The following KLF12 variants were observed in gnomAD, a reference collection of about 807,000 sequenced individuals.
The protein encoded by KLF12 is KLF transcription factor 12.
KLF12 carries 9 observed loss-of-function variants against 37.8 expected under a neutral mutation model. The observed-to-expected ratio is 0.24, with a 90% confidence interval of 0.14 to 0.42. The LOEUF is 0.42. Among genes scored for constraint, KLF12 ranks in the 10% least tolerant of loss-of-function variants. KLF12 has a pLI of 1.00. For missense variants in KLF12, 411 were observed against 516.0 expected (o/e 0.80, Z 1.97); for synonymous variants, 208 against 202.1 (o/e 1.03, Z -0.25).
At chr13:73,913,089 CA>C (rs1361946712) in intron 3 of KLF12, among the ~76,000 whole-genome samples, 1 of 152,182 alleles carries the variant, frequency 6.6e-6, no homozygotes, top group Non-Finnish European at 1.5e-5. Flanking sequence ...CTGTCTTCCC[CA>C]CTAGAACACT....
At chr13:73,890,845 C>T (rs1379434198) in intron 3 of KLF12, among the ~76,000 whole-genome samples, 2 of 152,080 alleles carry the variant, frequency 1.3e-5, no homozygotes, top group Non-Finnish European at 2.9e-5. Context: ...TTTCCTTAGT[C>T]CTTTTCTGCC....
chr13:74,188,783 G>A, the KLF12 span, among the ~76,000 whole-genome samples: 1 of 152,096 alleles, frequency 6.6e-6, no homozygotes, highest in Non-Finnish European at 1.5e-5. Context: ...ATCACTTGAG[G>A]CCAGGAGTTC....
At chr13:74,040,693 G>T (rs1328734919) in intron 1 of KLF12, among the ~76,000 whole-genome samples, 2 of 152,206 alleles carry the variant, frequency 1.3e-5, no homozygotes, top group Non-Finnish European at 2.9e-5. Context: ...CCTTTAGGGA[G>T]TCATCCCCTC....
At chr13:74,267,805 A>G in the KLF12 span, among the ~76,000 whole-genome samples, 1 of 152,206 alleles carries the variant, frequency 6.6e-6, no homozygotes. Context: ...TTTGATTGCT[A>G]CATAGTATAT....
intron 6 of KLF12, among the ~76,000 whole-genome samples, chr13:73,746,306 T>A (rs1362612400): frequency 6.6e-6 from 1 of 152,122 alleles, no homozygotes; most frequent in Non-Finnish European, 1.5e-5. Context: ...AGGGCCAACA[T>A]ATGATGTAAT....
At chr13:74,246,899 T>A in the KLF12 span, among the ~76,000 whole-genome samples, 1 of 152,220 alleles carries the variant, frequency 6.6e-6, no homozygotes, top group African/African-American at 2.4e-5. Context: ...AGGAGTTAAT[T>A]ACTTATGGTG....
chr13:73,745,101 T>A (rs1594039107), intron 6 of KLF12, among the ~76,000 whole-genome samples: 1 of 152,242 alleles, frequency 6.6e-6, no homozygotes, highest in Non-Finnish European at 1.5e-5. Context: ...TTATTGTTTA[T>A]AAGAATTTGT....
At chr13:73,983,469 C>T (rs747389521) in intron 2 of KLF12, among the ~76,000 whole-genome samples, 2 of 152,174 alleles carry the variant, frequency 1.3e-5, no homozygotes, top group South Asian at 2.1e-4. Flanking sequence ...TCTCCAGCAC[C>T]GTGTCCTCCC....
At position 74,133,873 on chromosome 13, in the gene KLF12, GCGCACA is replaced by G. The variant is rs1248646104; in HGVS notation, c.-172_-167del. Among the ~76,000 whole-genome samples the G allele has an allele frequency of 1.3e-5, 2 of 151,874 alleles. No homozygotes were observed. Among genetic ancestry groups the G allele is most frequent in the African/African-American group, 4.8e-5 (2 of 41,338 alleles). On this transcript the variant is annotated 5_prime_UTR_variant, in exon 1 of 8. Transcript: ENST00000377669. Reference sequence around the variant, plus strand: ...CACTCGCACACACACGGCGTCACCCGCGCACACGCACACGCAGAGCCTCTCAGCGGC... The same window carrying G: ...CACTCGCACACACACGGCGTCACCCGCGCACACGCAGAGCCTCTCAGCGGC...
In KLF12 at chr13:73,705,252, T is replaced by C. The variant is rs572780824; in HGVS notation, c.1028-9581A>G. Among the ~76,000 whole-genome samples the C allele has an allele frequency of 2.0e-4, 31 of 152,306 alleles. No individual in the cohort carries two copies. The South Asian group carries it at 6.4e-3, about 32-fold the overall frequency. On this transcript the variant is annotated intron_variant, in intron 7 of 7. Coordinates refer to ENST00000377669, the MANE Select transcript of KLF12 (RefSeq NM_007249.5). The stretch of plus-strand genomic sequence containing the variant: ...ATGGAGATTTTTAATTGAATTATCA[T>C]AAGCATTATGAATCAACATTTTATT...
chr13:73,995,058 A>C lies in KLF12; in HGVS notation c.-31-5T>G. On this transcript the variant is annotated splice_region_variant and splice_polypyrimidine_tract_variant and intron_variant, in intron 1 of 7. Transcript: ENST00000377669. ...GTTCTTAGAGTCACATTGATCCTGCAAGAAAAACACAAAGACAAATGATGA... is the reference window on the plus strand; with the variant it reads ...GTTCTTAGAGTCACATTGATCCTGCCAGAAAAACACAAAGACAAATGATGA... The C allele has an allele frequency of 6.3e-7, 1 of 1,589,444 alleles. No homozygotes were observed. Among genetic ancestry groups the C allele is most frequent in the East Asian group, 2.2e-5 (1 of 44,498 alleles).
chr13:74,181,020 A>T, the KLF12 span, among the ~76,000 whole-genome samples: 5 of 151,972 alleles, frequency 3.3e-5, no homozygotes, highest in Non-Finnish European at 7.4e-5. Flanking sequence ...GTTTTTTTTG[A>T]CGGAGTCTTG....
chr13:74,281,874 T>G, the KLF12 span, among the ~76,000 whole-genome samples: 8 of 152,242 alleles, frequency 5.3e-5, no homozygotes, highest in Non-Finnish European at 1.0e-4. Context: ...AAATTGTTTC[T>G]ACTCAACATT....
At chr13:73,731,712 G>C (rs1877074361) in intron 6 of KLF12, among the ~76,000 whole-genome samples, 1 of 152,098 alleles carries the variant, frequency 6.6e-6, no homozygotes, top group African/African-American at 2.4e-5. Context: ...TCAAAGAGAT[G>C]CACTTAAGTG....
the KLF12 span, among the ~76,000 whole-genome samples, chr13:74,191,194 C>T: frequency 6.6e-6 from 1 of 152,144 alleles, no homozygotes; most frequent in South Asian, 2.1e-4. Flanking sequence ...AAGCATGTGA[C>T]AAGCAGTATA....
the KLF12 span, among the ~76,000 whole-genome samples, chr13:74,247,457 C>T: frequency 6.6e-6 from 1 of 152,024 alleles, no homozygotes. Context: ...CCAGATGTAC[C>T]AGCCCTGTGC....
chr13:74,219,342 T>G, the KLF12 span, among the ~76,000 whole-genome samples: 2 of 152,212 alleles, frequency 1.3e-5, no homozygotes. Flanking sequence ...TTCTACTTAT[T>G]GTAATTCTGA....
chr13:73,776,230 C>T (rs1845500437), intron 5 of KLF12, among the ~76,000 whole-genome samples: 1 of 152,088 alleles, frequency 6.6e-6, no homozygotes, highest in Non-Finnish European at 1.5e-5. Flanking sequence ...GGAATGGTAT[C>T]CAAGAGATGG....
At chr13:74,197,682 G>C in the KLF12 span, among the ~76,000 whole-genome samples, 4 of 152,216 alleles carry the variant, frequency 2.6e-5, no homozygotes, top group African/African-American at 9.6e-5. Flanking sequence ...AGAGCATCAT[G>C]TTATGCATGC....
Sources: gnomAD v4.1 joint callset for allele counts (sites outside exome capture counted in the v4.1 genomes callset) on GRCh38, gnomAD v4.1.1 for gene constraint, MANE v1.5 for transcripts, NCBI Gene and HGNC (gene_info 2026-07-23, HGNC 2026-07-21) for gene names.